Variants in TPO observed in about 807,000 individuals in gnomAD.
TPO encodes thyroid microsomal antigen.
TPO carries 78 observed loss-of-function variants against 96.9 expected under a neutral mutation model. The observed-to-expected ratio is 0.81, with a 90% CI of 0.67 to 0.97. The LOEUF (loss-of-function observed/expected upper bound fraction) is 0.97. Ranked by LOEUF, TPO falls within the 50% of genes least tolerant of loss-of-function variation. The probability of loss-of-function intolerance (pLI) is 0.00; values close to 1 mark genes in which losing one functional copy is unlikely to be tolerated. For synonymous variants in TPO, 547 were observed against 538.0 expected, an observed-to-expected ratio of 1.02 and a Z score of -0.23; for missense variants, 1,252 against 1,274.8, an observed-to-expected ratio of 0.98 and a Z score of 0.27.
rs778566709 is a variant in TPO at position 1,540,581 on chromosome 2, G to A, written c.2619-13G>A. ...GGACCCTCTCCCGATAACTGGACAC[G>A]TGTCTCCCACAGGACACGCACTGGC... On this transcript the variant is annotated splice_polypyrimidine_tract_variant and intron_variant, in intron 15 of 16. Coordinates refer to ENST00000329066, the MANE Select transcript of TPO (RefSeq NM_001206744.2). The A allele has an allele frequency of 1.7e-5, 28 of 1,612,612 alleles. No individual in the cohort carries two copies. The Middle Eastern group carries it at 4.9e-4, about 28-fold the overall frequency.
Position 1,537,091 on chromosome 2 carries a change from G to C in TPO, c.2619-3503G>C, listed in dbSNP as rs1009153275. On this transcript the variant is annotated intron_variant, in intron 15 of 16. Transcript: ENST00000329066. ...CACTGTGTGCAACCTCACCAAATCC[G>C]TCCACTGTGTGCAACCTCCCTAGAT... Among the ~76,000 whole-genome samples, 119 of 26,402 alleles carry C rather than the reference G, an allele frequency of 4.5e-3. 5 individuals are homozygous for C. Among genetic ancestry groups the C allele is most frequent in the African/African-American group, 0.022 (78 of 3,498 alleles). The allele number at this position is 26,402 out of a possible 152,430, so 17.3% of individuals were successfully genotyped here.
rs377698111 is a variant in TPO, at chr2:1,529,943, TCCC to T, written c.2619-10647_2619-10645del. Among the ~76,000 whole-genome samples the T allele has an allele frequency of 1.8e-3, 49 of 27,434 alleles. No homozygotes were observed. In the East Asian group the frequency reaches 0.052, roughly 29 times the overall value. The allele number at this position is 27,434 out of a possible 152,430, so 18.0% of individuals were successfully genotyped here. On this transcript the variant is annotated intron_variant, in intron 15 of 16. Transcript: ENST00000329066. The stretch of plus-strand genomic sequence containing the variant: ...ACCCCCCCCTTGCAGCCTCCCCATA[TCCC>T]CCCAACTCTGTGCAACCTCCCGAAA...
At chr2:1,529,098 C>T (rs1334272700) in intron 15 of TPO, among the ~76,000 whole-genome samples, 1 of 133,004 alleles carries the variant, frequency 7.5e-6, no homozygotes, top group South Asian at 2.6e-4. Flanking sequence ...TGTTTAACCT[C>T]TCCAAATCCC....
intron 5 of TPO, among the ~76,000 whole-genome samples, chr2:1,441,707 A>AG (rs1350684317): frequency 2.6e-5 from 4 of 152,158 alleles, no homozygotes; most frequent in Non-Finnish European, 5.9e-5. Flanking sequence ...GGGTGTGGGC[A>AG]GGGGTCACGT....
At chr2:1,534,244 T>A (rs79022762) in intron 15 of TPO, among the ~76,000 whole-genome samples, 1 of 39,652 alleles carries the variant, frequency 2.5e-5, no homozygotes, top group Non-Finnish European at 4.5e-5. Context: ...AAATCCCCCA[T>A]CACTCAGAGC....
chr2:1,377,989 G>A lies in TPO; in HGVS notation n.180+3587G>A, dbSNP rs374943796. Among the ~76,000 whole-genome samples, 28 of 152,212 alleles carry A rather than the reference G, an allele frequency of 1.8e-4. No individual in the cohort carries two copies. The South Asian group carries it at 4.4e-3, about 24-fold the overall frequency. Reference sequence around the variant, plus strand: ...AATTGAATCATGGGGTGGTTTCCCCGATACTGTTCTCATAGCAGTTAATAA... The same window carrying A: ...AATTGAATCATGGGGTGGTTTCCCCAATACTGTTCTCATAGCAGTTAATAA... On this transcript the variant is annotated intron_variant and non_coding_transcript_variant, in intron 1 of 5. Coordinates refer to the TPO transcript ENST00000497517.
intron 1 of TPO, among the ~76,000 whole-genome samples, chr2:1,390,441 C>T (rs904912723): frequency 9.9e-5 from 15 of 152,114 alleles, no homozygotes; most frequent in African/African-American, 3.1e-4. Context: ...GATGGACATT[C>T]GGGTTGGTTC....
intron 15 of TPO, among the ~76,000 whole-genome samples, chr2:1,521,518 C>G (rs949136567): frequency 6.6e-6 from 1 of 152,168 alleles, no homozygotes; most frequent in African/African-American, 2.4e-5. Context: ...CCCTCTTTCC[C>G]CAGACTCTTG....
At chr2:1,516,362 C>T (rs1214653274) in intron 14 of TPO, among the ~76,000 whole-genome samples, 4 of 152,232 alleles carry the variant, frequency 2.6e-5, no homozygotes, top group Admixed American at 6.5e-5. Context: ...AGGGCTCCAG[C>T]TCTGCAAGGT....
intron 1 of TPO, among the ~76,000 whole-genome samples, chr2:1,392,669 A>G (rs1230631615): frequency 6.6e-6 from 1 of 152,132 alleles, no homozygotes; most frequent in Non-Finnish European, 1.5e-5. Context: ...CCTCAATTTC[A>G]GAGCCTGTTA....
At chr2:1,392,050 A>G (rs1426540667) in intron 1 of TPO, among the ~76,000 whole-genome samples, 1 of 152,122 alleles carries the variant, frequency 6.6e-6, no homozygotes, top group African/African-American at 2.4e-5. Context: ...TTCCAACACT[A>G]TGTTGAATAG....
intron 14 of TPO, among the ~76,000 whole-genome samples, chr2:1,515,790 T>C (rs1222571989): frequency 6.6e-6 from 1 of 152,030 alleles, no homozygotes; most frequent in East Asian, 1.9e-4. Context: ...CAAGCACCCA[T>C]TCCCCCAGCC....
At chr2:1,435,027 A>G (rs371528429) in intron 4 of TPO, among the ~76,000 whole-genome samples, 2 of 152,040 alleles carry the variant, frequency 1.3e-5, no homozygotes, top group African/African-American at 4.8e-5. Context: ...TCCGCCTCCC[A>G]GGTTCACGCC....
chr2:1,481,535 C>A (rs1670640136), intron 8 of TPO, among the ~76,000 whole-genome samples: 1 of 152,108 alleles, frequency 6.6e-6, no homozygotes, highest in South Asian at 2.1e-4. Context: ...AGAACCAGAC[C>A]CCGGAGGGAC....
At chr2:1,451,319 C>T (rs750388604) in intron 5 of TPO, among the ~76,000 whole-genome samples, 3 of 152,150 alleles carry the variant, frequency 2.0e-5, no homozygotes, top group East Asian at 1.9e-4. Context: ...ACATCTAAAT[C>T]GGTCACATTT....
At chr2:1,388,575 T>G (rs1042545078) in intron 1 of TPO, among the ~76,000 whole-genome samples, 7 of 152,234 alleles carry the variant, frequency 4.6e-5, no homozygotes, top group Non-Finnish European at 1.0e-4. Context: ...AGTATTATGG[T>G]GGGAGTGACC....
chr2:1,460,757 G>A (rs1668351603), intron 7 of TPO, among the ~76,000 whole-genome samples: 1 of 152,198 alleles, frequency 6.6e-6, no homozygotes, highest in South Asian at 2.1e-4. Flanking sequence ...CAGCAGGGAG[G>A]GAGCACGTTG....
At chr2:1,530,017 C>A (rs1677701556) in intron 15 of TPO, among the ~76,000 whole-genome samples, 1 of 141,332 alleles carries the variant, frequency 7.1e-6, no homozygotes, top group Non-Finnish European at 1.5e-5. Flanking sequence ...ACACTGTGTG[C>A]AACCTCCCCA....
At chr2:1,374,178 A>G (rs1396349821), upstream of TPO, 2 of 152,214 alleles carry the variant, frequency 1.3e-5, no homozygotes, top group African/African-American at 4.8e-5. Flanking sequence ...AAGGAAAGAT[A>G]ATTCAGATGG....
Sources: allele counts gnomAD v4.1 joint callset (sites outside exome capture counted in the v4.1 genomes callset), GRCh38; gene constraint gnomAD v4.1.1; transcripts MANE v1.5; gene names NCBI Gene and HGNC (gene_info 2026-07-23, HGNC 2026-07-21).